Variants in USP31 observed in about 807,000 individuals in gnomAD.
USP31 encodes the protein ubiquitin carboxyl-terminal hydrolase 31.
A neutral mutation model predicts 119.4 loss-of-function variants in USP31; 44 were observed. The observed-to-expected ratio is 0.37, with a 90% CI of 0.29 to 0.47. USP31 has a LOEUF of 0.47. Ranked by LOEUF, USP31 falls within the 20% of genes least tolerant of loss-of-function variation. The pLI is 0.99. For missense variants in USP31, 1,643 were observed against 1,730.2 expected, an observed-to-expected ratio of 0.95 and a Z score of 0.89; for synonymous variants, 749 against 705.6, an observed-to-expected ratio of 1.06 and a Z score of -0.97.
intron 1 of USP31, among the ~76,000 whole-genome samples, chr16:23,109,036 T>C (rs1043405343): frequency 7.9e-5 from 12 of 152,166 alleles, no homozygotes; most frequent in East Asian, 5.8e-4. Flanking sequence ...AAGTTTCTCA[T>C]AGTCAGAGAG....
intron 2 of USP31, among the ~76,000 whole-genome samples, chr16:23,107,486 A>G (rs1244341025): frequency 6.6e-6 from 1 of 152,230 alleles, no homozygotes; most frequent in Non-Finnish European, 1.5e-5. Flanking sequence ...AGAATTATCA[A>G]AAACTTTAAA....
intron 9 of USP31, among the ~76,000 whole-genome samples, chr16:23,086,647 T>C (rs752810161): frequency 1.3e-5 from 2 of 152,054 alleles, no homozygotes; most frequent in African/African-American, 4.8e-5. Flanking sequence ...TGCTGAAAGG[T>C]TGGGATAGTG....
chr16:23,078,392 G>A (rs1900678408), intron 13 of USP31, among the ~76,000 whole-genome samples: 2 of 151,360 alleles, frequency 1.3e-5, no homozygotes, highest in South Asian at 4.2e-4. Context: ...TAGGCGTGAA[G>A]ATGAGGATGC....
rs1402074853 is a variant in USP31 at position 23,066,610 on chromosome 16, G to A, written c.*1436C>T. Reference sequence around the variant, plus strand: ...TTAGCATGCTGTATTTACTGGCAAAGTGACAAATGCTATTCAGAGAGAATC... The same window carrying A: ...TTAGCATGCTGTATTTACTGGCAAAATGACAAATGCTATTCAGAGAGAATC... On this transcript the variant is annotated 3_prime_UTR_variant, in exon 16 of 16. Transcript: ENST00000219689. 1 of 152,066 alleles carries A rather than the reference G, an allele frequency of 6.6e-6. No homozygotes were observed. Among genetic ancestry groups the A allele is most frequent in the Non-Finnish European group, 1.5e-5 (1 of 68,024 alleles). The allele number at this position is 152,066 out of a possible 1,614,324, so 9.4% of individuals were successfully genotyped here.
chr16:23,068,017 A>G lies in USP31; in HGVS notation c.*29T>C. On this transcript the variant is annotated 3_prime_UTR_variant, in exon 16 of 16. Coordinates refer to ENST00000219689, the MANE Select transcript of USP31 (RefSeq NM_020718.4). The stretch of plus-strand genomic sequence containing the variant: ...GGGTTCTAAATAAATAAACATCTTT[A>G]CAGATAAAACACTTTGATTGCAGAA... The G allele has an allele frequency of 6.3e-7, 1 of 1,576,780 alleles. No individual in the cohort carries two copies. Among genetic ancestry groups the G allele is most frequent in the Non-Finnish European group, 8.6e-7 (1 of 1,163,152 alleles).
intron 6 of USP31, among the ~76,000 whole-genome samples, chr16:23,091,865 T>C (rs1901377884): frequency 6.6e-6 from 1 of 152,168 alleles, no homozygotes; most frequent in African/African-American, 2.4e-5. Flanking sequence ...GAGTAGATCT[T>C]ACTTCCTAAC....
chr16:23,081,113 A>AGG (rs1315966891), intron 12 of USP31, among the ~76,000 whole-genome samples: 2 of 152,236 alleles, frequency 1.3e-5, no homozygotes, highest in Admixed American at 1.3e-4. Flanking sequence ...GGGGACACAC[A>AGG]GGAGTCGATG....
At chr16:23,104,984 A>G (rs924335687) in intron 5 of USP31, among the ~76,000 whole-genome samples, 4 of 152,242 alleles carry the variant, frequency 2.6e-5, no homozygotes, top group Admixed American at 1.3e-4. Context: ...TGAGAAAACA[A>G]AACGTATTGA....
intron 1 of USP31, among the ~76,000 whole-genome samples, chr16:23,138,393 A>G (rs926631684): frequency 1.3e-5 from 2 of 152,204 alleles, no homozygotes; most frequent in African/African-American, 4.8e-5. Context: ...GCTAAGATAC[A>G]TACTGTTTGT....
intron 1 of USP31, among the ~76,000 whole-genome samples, chr16:23,130,693 T>C (rs1474968203): frequency 1.3e-5 from 2 of 152,072 alleles, no homozygotes; most frequent in South Asian, 2.1e-4. Context: ...TTACATGATA[T>C]CCTAGGTTTC....
chr16:23,068,375 G>A lies in USP31; in HGVS notation c.3730C>T (p.Leu1244Phe), dbSNP rs1277858877. 2 of 1,614,044 alleles carry A rather than the reference G, an allele frequency of 1.2e-6. No individual in the cohort carries two copies. Among genetic ancestry groups the A allele is most frequent in the East Asian group, 4.5e-5 (2 of 44,896 alleles). The change falls in exon 16 of 16, where the codon CTT (leucine) becomes TTT (phenylalanine). Residue 1244 changes from leucine to phenylalanine, a missense_variant. Physicochemically the swap from Leu to Phe is conservative, Grantham distance 22. Around this residue, in one of 5 missense-constraint regions of USP31, gnomAD observed 699 missense variants for 650.9 expected, o/e 1.07. Transcript: ENST00000219689. The stretch of plus-strand genomic sequence containing the variant: ...TTAGAGAGCAAGGCTGTCTTGCCAA[G>A]ATCCGTCGAGCGCCGGGTTTCCTTC... ...RQKETRRSTD[L>F]GKTALLSKKA...
chr16:23,147,773 T>C (rs750761234), intron 1 of USP31, among the ~76,000 whole-genome samples: 40 of 152,062 alleles, frequency 2.6e-4, no homozygotes, highest in Non-Finnish European at 5.0e-4. Context: ...TACAAAAGTG[T>C]TTTAAAAATA....
At chr16:23,089,253 G>T (rs780785633) in intron 7 of USP31, among the ~76,000 whole-genome samples, 3 of 152,084 alleles carry the variant, frequency 2.0e-5, no homozygotes, top group African/African-American at 7.2e-5. Context: ...GCTTGGCTGC[G>T]GTCTCTTCAG....
intron 1 of USP31, among the ~76,000 whole-genome samples, chr16:23,117,636 A>G (rs1410443046): frequency 6.6e-6 from 1 of 152,262 alleles, no homozygotes; most frequent in African/African-American, 2.4e-5. Context: ...CCAAGTAAGT[A>G]CTTACACAAT....
At chr16:23,128,330 T>C (rs954070151) in intron 1 of USP31, among the ~76,000 whole-genome samples, 5 of 152,210 alleles carry the variant, frequency 3.3e-5, no homozygotes, top group African/African-American at 1.2e-4. Flanking sequence ...GCCAGGCTAC[T>C]AGTACAGTCT....
In USP31 at chr16:23,108,136, A is replaced by G; in HGVS notation, c.681T>C (p.His227=). The G allele has an allele frequency of 6.2e-7, 1 of 1,613,978 alleles. No homozygotes were observed. Among genetic ancestry groups the G allele is most frequent in the South Asian group, 1.1e-5 (1 of 91,064 alleles). ...NALQYRGNSQ[H]DAQEFLLWLL... ...GCCACAGCAGAAACTCCTGGGCATC[A>G]TGTTGGGAATTTCCCCGGTACTGCA... is the stretch of plus-strand genomic sequence containing the variant. Residue 227 remains histidine, a synonymous_variant, in exon 2 of 16, where the codon CAT becomes CAC. Transcript: ENST00000219689.
chr16:23,103,978 G>A (rs1395923383), intron 5 of USP31, among the ~76,000 whole-genome samples: 1 of 152,134 alleles, frequency 6.6e-6, no homozygotes, highest in East Asian at 1.9e-4. Context: ...AGATGGAGAG[G>A]AGAACACTGG....
intron 14 of USP31, 152 bp downstream of exon 14, chr16:23,073,570 G>GACTA: frequency 1.0e-6 from 1 of 1,003,558 alleles, no homozygotes; most frequent in Non-Finnish European, 1.4e-6. Flanking sequence ...TTCCTTGACT[G>GACTA]CAGTCATTTT....
chr16:23,069,175 G>C lies in USP31; in HGVS notation c.2930C>G (p.Pro977Arg), dbSNP rs1236771498. 4 of 1,614,054 alleles carry C rather than the reference G, an allele frequency of 2.5e-6. No individual in the cohort carries two copies. Among genetic ancestry groups the C allele is most frequent in the Non-Finnish European group, 8.5e-7 (1 of 1,180,048 alleles). Residue 977 changes from proline (P) to arginine (R), a missense_variant, in exon 16 of 16, where the codon CCC becomes CGC. Around this residue, in one of 5 missense-constraint regions of USP31, gnomAD observed 699 missense variants for 650.9 expected, o/e 1.07. Coordinates refer to ENST00000219689, the MANE Select transcript of USP31 (RefSeq NM_020718.4). ...GTTATCAAATGGACCAGAGAGCGGG[G>C]GCAGGCGGTCCCCTTGTGCTGAATG... ...SKHSAQGDRL[P>R]PLSGPFDNNN... is the part of the protein sequence containing the mutation.
Sources: allele counts gnomAD v4.1 joint callset (sites outside exome capture counted in the v4.1 genomes callset), GRCh38; gene constraint gnomAD v4.1.1; regional missense constraint gnomAD v4.1.1; transcripts MANE v1.5; gene names NCBI Gene and HGNC (gene_info 2026-07-23, HGNC 2026-07-21).